The following TRIM9 variants were observed in gnomAD, a reference collection of about 807,000 sequenced individuals.
The protein encoded by TRIM9 is E3 ubiquitin-protein ligase TRIM9.
Under a neutral mutation model 78.3 loss-of-function variants are expected in TRIM9, and 26 were observed. That is an observed-to-expected ratio of 0.33 (90% CI 0.24 to 0.46). The LOEUF is 0.46. Among genes scored for constraint, TRIM9 ranks in the 20% least tolerant of loss-of-function variants. The pLI is 1.00. For missense variants in TRIM9, 787 were observed against 1,036.4 expected, an observed-to-expected ratio of 0.76 and a Z score of 3.30; for synonymous variants, 398 against 416.5, an observed-to-expected ratio of 0.96 and a Z score of 0.54.
intron 1 of TRIM9, among the ~76,000 whole-genome samples, chr14:51,050,360 A>T (rs989205111): frequency 2.6e-5 from 4 of 152,156 alleles, no homozygotes; most frequent in African/African-American, 9.7e-5. Context: ...ATGGTTTTAC[A>T]AGAGGAATCC....
chr14:51,067,236 C>T (rs1038291540), intron 1 of TRIM9, among the ~76,000 whole-genome samples: 3 of 152,128 alleles, frequency 2.0e-5, no homozygotes, highest in African/African-American at 7.2e-5. Flanking sequence ...TCTGAGGCCC[C>T]CTCCTAATAG....
chr14:51,028,756 T>C (rs2058471106), intron 1 of TRIM9, among the ~76,000 whole-genome samples: 1 of 152,200 alleles, frequency 6.6e-6, no homozygotes, highest in African/African-American at 2.4e-5. Flanking sequence ...AGAAAAATGA[T>C]GCAGCTGAAG....
chr14:51,025,150 A>G (rs1367960299), intron 2 of TRIM9, 115 bp downstream of exon 2: 17 of 948,002 alleles, frequency 1.8e-5, no homozygotes, highest in African/African-American at 3.3e-5. Flanking sequence ...AACAACAACC[A>G]CAAAATAGGA....
Position 51,026,560 on chromosome 14 carries a change from A to G in TRIM9, c.823-1200T>C, listed in dbSNP as rs1323570703. 3.3e-5 allele frequency among the ~76,000 whole-genome samples: 5 copies of G among 152,092 alleles called. No homozygotes were observed. In the South Asian group the frequency reaches 6.2e-4, roughly 19 times the overall value. On this transcript the variant is annotated intron_variant, in intron 1 of 12. Transcript: ENST00000684578. ...CTGTCTTCTTTTCAAATTAAAGCCT[A>G]TTCTCCTTGCCAACACAATGATTCA... is the stretch of plus-strand genomic sequence containing the variant.
At chr14:51,020,499 G>T (rs2139749258) in intron 3 of TRIM9, among the ~76,000 whole-genome samples, 1 of 152,348 alleles carries the variant, frequency 6.6e-6, no homozygotes, top group Non-Finnish European at 1.5e-5. Flanking sequence ...GCCTGGGCAG[G>T]GTGGAATGAG....
chr14:51,019,419 C>G (rs1047038102), intron 3 of TRIM9, among the ~76,000 whole-genome samples: 2 of 152,210 alleles, frequency 1.3e-5, no homozygotes, highest in Non-Finnish European at 2.9e-5. Context: ...CAAACAGTTT[C>G]CCTCAAACAT....
Position 50,998,104 on chromosome 14 carries a change from T to A in TRIM9, c.1549A>T (p.Asn517Tyr). 6.2e-7 allele frequency: 1 copy of A among 1,614,210 alleles called. No individual in the cohort carries two copies. The highest frequency in any genetic ancestry group is 8.5e-7 in the Non-Finnish European group (1 of 1,180,022). ...CTGTACGGGCTGACTCCTGTTTTGT[T>A]GAAGGCCTTGACCCGAGCGTTGTAT... ...STYNARVKAF[N>Y]KTGVSPYSKT... The change falls in exon 7 of 13, where the codon AAC (asparagine) becomes TAC (tyrosine). Residue 517 changes from asparagine (N) to tyrosine (Y), a missense_variant. Coordinates refer to ENST00000684578, the MANE Select transcript of TRIM9 (RefSeq NM_001387360.1).
chr14:51,032,247 A>C (rs557928424), intron 1 of TRIM9, among the ~76,000 whole-genome samples: 14 of 152,382 alleles, frequency 9.2e-5, no homozygotes, highest in African/African-American at 3.1e-4. Flanking sequence ...GATAGACTTC[A>C]AAGTCAGATG....
At chr14:51,093,136 A>G (rs2140392143) in intron 1 of TRIM9, among the ~76,000 whole-genome samples, 1 of 152,326 alleles carries the variant, frequency 6.6e-6, no homozygotes, top group Middle Eastern at 3.4e-3. Context: ...GTCATGTAGG[A>G]CAGGCTGAGA....
chr14:51,037,072 C>A (rs973236273), intron 1 of TRIM9, among the ~76,000 whole-genome samples: 4 of 152,068 alleles, frequency 2.6e-5, no homozygotes, highest in Non-Finnish European at 4.4e-5. Flanking sequence ...CCCATGTAAA[C>A]CAAGATTTGT....
chr14:51,043,902 AATT>A (rs1420678547), intron 1 of TRIM9, among the ~76,000 whole-genome samples: 1 of 152,144 alleles, frequency 6.6e-6, no homozygotes, highest in African/African-American at 2.4e-5. Flanking sequence ...CATACGTTTA[AATT>A]ATTATTATAT....
intron 6 of TRIM9, among the ~76,000 whole-genome samples, chr14:50,999,366 ACACACACACACACACTCT>A (rs912952367): frequency 1.0e-4 from 12 of 118,622 alleles, no homozygotes; most frequent in African/African-American, 4.3e-4. Flanking sequence ...CACACACACA[ACACACACACACACACTCT>A]CACACACACT....
rs1174703574 is a variant in TRIM9 at position 50,976,690 on chromosome 14, T to C, written c.*601A>G. On this transcript the variant is annotated 3_prime_UTR_variant, in exon 13 of 13. Coordinates refer to ENST00000684578, the MANE Select transcript of TRIM9 (RefSeq NM_001387360.1). Reference sequence around the variant, plus strand: ...ACGATCCTACCCTGATGTGAACCTGTGTAGCGGATATTTTTGTGCTTCAAT... The same window carrying C: ...ACGATCCTACCCTGATGTGAACCTGCGTAGCGGATATTTTTGTGCTTCAAT... The C allele has an allele frequency of 6.5e-6, 1 of 152,676 alleles. No individual in the cohort carries two copies. Among genetic ancestry groups the C allele is most frequent in the African/African-American group, 2.4e-5 (1 of 41,464 alleles). The allele number at this position is 152,676 out of a possible 1,614,324, so 9.5% of individuals were successfully genotyped here.
intron 1 of TRIM9, among the ~76,000 whole-genome samples, chr14:51,053,651 G>T (rs543787885): frequency 5.9e-5 from 8 of 135,674 alleles, no homozygotes; most frequent in Non-Finnish European, 9.1e-5. Flanking sequence ...CATTGTGCAG[G>T]TTAGTTACAT....
In TRIM9 at chr14:51,016,540, CATT is replaced by C. The variant is rs539292913; in HGVS notation, c.1042-6049_1042-6047del. Among the ~76,000 whole-genome samples, 974 of 137,942 alleles carry C rather than the reference CATT, an allele frequency of 7.1e-3. 12 individuals are homozygous for C. The highest frequency in any genetic ancestry group is 0.024 in the African/African-American group (913 of 37,308). The allele number at this position is 137,942 out of a possible 152,430, so 90.5% of individuals were successfully genotyped here. On this transcript the variant is annotated intron_variant, in intron 3 of 12. Transcript: ENST00000684578. ...TAACATATCATTAATAACACAATAA[CATT>C]ATGTTATTATTAGCATATTAATTAT...
At chr14:50,993,163 C>T (rs189723907) in intron 7 of TRIM9, among the ~76,000 whole-genome samples, 22 of 152,208 alleles carry the variant, frequency 1.4e-4, no homozygotes, top group Non-Finnish European at 2.5e-4. Context: ...AATCTCGTCA[C>T]TGCCAGCCAA....
intron 1 of TRIM9, among the ~76,000 whole-genome samples, chr14:51,092,714 A>G (rs1160071622): frequency 6.6e-6 from 1 of 152,212 alleles, no homozygotes; most frequent in Non-Finnish European, 1.5e-5. Context: ...CCTTCTAAGC[A>G]GTGTGGGCAT....
intron 1 of TRIM9, among the ~76,000 whole-genome samples, chr14:51,093,431 A>G (rs989672717): frequency 2.0e-5 from 3 of 152,198 alleles, no homozygotes; most frequent in Non-Finnish European, 2.9e-5. Context: ...CTGACACTCT[A>G]GTCTCAGGTC....
At chr14:50,990,759 T>C (rs2053400708) in intron 7 of TRIM9, among the ~76,000 whole-genome samples, 1 of 152,190 alleles carries the variant, frequency 6.6e-6, no homozygotes, top group South Asian at 2.1e-4. Context: ...ATGGTTGTAT[T>C]TTGGAGCACG....
Sources: gnomAD v4.1 joint callset for allele counts (sites outside exome capture counted in the v4.1 genomes callset) on GRCh38, gnomAD v4.1.1 for gene constraint, MANE v1.5 for transcripts, NCBI Gene and HGNC (gene_info 2026-07-23, HGNC 2026-07-21) for gene names.